Variants in EYS observed in about 807,000 individuals in gnomAD.
The protein encoded by EYS is protein eyes shut homolog.
Under a neutral mutation model 282.1 loss-of-function variants are expected in EYS, and 250 were observed. The observed-to-expected ratio is 0.89, with a 90% CI of 0.80 to 0.98. EYS has a LOEUF of 0.98. Ranked by LOEUF, EYS falls within the 50% of genes least tolerant of loss-of-function variation. The probability of loss-of-function intolerance (pLI) is 0.00; values close to 1 mark genes in which losing one functional copy is unlikely to be tolerated. For missense variants in EYS, 4,016 were observed against 3,709.0 expected (o/e 1.08, Z -2.15); for synonymous variants, 1,355 against 1,282.9 (o/e 1.06, Z -1.20).
intron 31 of EYS, among the ~76,000 whole-genome samples, chr6:64,165,868 A>G (rs1582370508): frequency 6.6e-6 from 1 of 152,326 alleles, no homozygotes; most frequent in East Asian, 1.9e-4. Context: ...CAATGTTTAT[A>G]TAAGGCATTT....
At chr6:64,437,243 T>C (rs1054689497) in intron 27 of EYS, among the ~76,000 whole-genome samples, 1 of 151,688 alleles carries the variant, frequency 6.6e-6, no homozygotes, top group Non-Finnish European at 1.5e-5. Flanking sequence ...TGAAATAATG[T>C]ATTATTAAGA....
intron 36 of EYS, among the ~76,000 whole-genome samples, chr6:63,830,087 G>A (rs1562047430): frequency 6.6e-6 from 1 of 152,138 alleles, no homozygotes; most frequent in African/African-American, 2.4e-5. Context: ...AAGACCAAAG[G>A]TAGATAAAAC....
intron 12 of EYS, among the ~76,000 whole-genome samples, chr6:65,253,817 C>T (rs1175975521): frequency 6.6e-6 from 1 of 151,640 alleles, no homozygotes; most frequent in Non-Finnish European, 1.5e-5. Flanking sequence ...TAAATGGAAA[C>T]TTTTTTCTTT....
intron 5 of EYS, among the ~76,000 whole-genome samples, chr6:65,461,421 C>T (rs773731621): frequency 3.9e-5 from 6 of 152,102 alleles, no homozygotes; most frequent in Non-Finnish European, 7.4e-5. Context: ...TTCTCTAACT[C>T]ATCGACTTCC....
chr6:65,508,560 G>A (rs958089214), intron 2 of EYS, among the ~76,000 whole-genome samples: 1 of 150,972 alleles, frequency 6.6e-6, no homozygotes, highest in South Asian at 2.1e-4. Flanking sequence ...TGTAGTCCCA[G>A]CTAGTCAGGA....
chr6:64,501,893 ATT>A lies in EYS; in HGVS notation c.5645-62543_5645-62542del, dbSNP rs140261524. Reference sequence around the variant, plus strand: ...TATGACCATGTATGACCATGAGGACATTAGCACCAGACTGTCAGGGTGCCAGA... The same window carrying A: ...TATGACCATGTATGACCATGAGGACAAGCACCAGACTGTCAGGGTGCCAGA... On this transcript the variant is annotated intron_variant, in intron 26 of 42. Transcript: ENST00000503581. 8.1e-3 allele frequency among the ~76,000 whole-genome samples: 1,227 copies of A among 152,280 alleles called. 8 individuals carry two copies. Among genetic ancestry groups the A allele is most frequent in the Non-Finnish European group, 0.012 (850 of 68,016 alleles).
At chr6:65,088,307 AG>A in intron 12 of EYS, among the ~76,000 whole-genome samples, 1 of 152,300 alleles carries the variant, frequency 6.6e-6, no homozygotes, top group African/African-American at 2.4e-5. Flanking sequence ...GGTCAAAAGA[AG>A]ACAGGAAGAT....
chr6:64,930,272 C>T (rs1434648383), intron 15 of EYS, among the ~76,000 whole-genome samples: 1 of 151,908 alleles, frequency 6.6e-6, no homozygotes, highest in East Asian at 1.9e-4. Flanking sequence ...TACAGTGTAG[C>T]TATACCATAA....
intron 2 of EYS, among the ~76,000 whole-genome samples, chr6:65,541,560 T>C (rs1424141806): frequency 2.0e-5 from 3 of 152,172 alleles, no homozygotes; most frequent in Non-Finnish European, 4.4e-5. Flanking sequence ...TTCAACTTAA[T>C]TGCTAATTTA....
At chr6:64,286,053 T>G (rs1403691337) in intron 30 of EYS, among the ~76,000 whole-genome samples, 2 of 152,156 alleles carry the variant, frequency 1.3e-5, no homozygotes, top group Non-Finnish European at 2.9e-5. Context: ...TAGCAAGAAA[T>G]AAAGTATTTA....
At chr6:63,882,222 G>A (rs1773150375) in intron 35 of EYS, among the ~76,000 whole-genome samples, 1 of 152,198 alleles carries the variant, frequency 6.6e-6, no homozygotes, top group Non-Finnish European at 1.5e-5. Context: ...TTCAAGCTAT[G>A]AAGAGCATAA....
At chr6:64,256,034 T>G (rs1562274678) in intron 30 of EYS, among the ~76,000 whole-genome samples, 1 of 152,058 alleles carries the variant, frequency 6.6e-6, no homozygotes, top group Non-Finnish European at 1.5e-5. Flanking sequence ...CTTTTAATTC[T>G]TATATAAAAA....
chr6:64,387,343 T>C (rs552757686), intron 29 of EYS, among the ~76,000 whole-genome samples: 2 of 152,280 alleles, frequency 1.3e-5, no homozygotes, highest in East Asian at 1.9e-4. Flanking sequence ...TTTATATTTA[T>C]AATAAAGTAA....
At chr6:65,317,521 G>A (rs1296981946) in intron 11 of EYS, among the ~76,000 whole-genome samples, 1 of 152,116 alleles carries the variant, frequency 6.6e-6, no homozygotes, top group Non-Finnish European at 1.5e-5. Flanking sequence ...ATCTATTGCT[G>A]TGAAACAAAT....
At chr6:64,152,210 G>A (rs943032671) in intron 31 of EYS, among the ~76,000 whole-genome samples, 5 of 152,172 alleles carry the variant, frequency 3.3e-5, no homozygotes, top group Non-Finnish European at 7.4e-5. Context: ...GGACTGGAAA[G>A]AAGACAGGAA....
At chr6:65,011,389 A>G (rs902791180) in intron 13 of EYS, among the ~76,000 whole-genome samples, 2 of 152,198 alleles carry the variant, frequency 1.3e-5, no homozygotes, top group African/African-American at 2.4e-5. Flanking sequence ...TGTCTCTTCC[A>G]GAATAGAAGC....
At chr6:65,195,466 A>T (rs919514398) in intron 12 of EYS, among the ~76,000 whole-genome samples, 1 of 152,078 alleles carries the variant, frequency 6.6e-6, no homozygotes, top group Admixed American at 6.6e-5. Flanking sequence ...AAGTTAACAT[A>T]CAATTTCATT....
intron 31 of EYS, among the ~76,000 whole-genome samples, chr6:64,122,103 T>C (rs1773610168): frequency 6.6e-6 from 1 of 152,170 alleles, no homozygotes; most frequent in Non-Finnish European, 1.5e-5. Flanking sequence ...TTCCAAATGC[T>C]GCAAACATGC....
At chr6:64,988,357 ATATCATGTCAAACAAATGC>A (rs553980737) in intron 14 of EYS, among the ~76,000 whole-genome samples, 443 of 151,694 alleles carry the variant, frequency 2.9e-3, no homozygotes, top group Non-Finnish European at 4.9e-3. Context: ...GCATCCGATG[ATATCATGTCAAACAAATGC>A]TATCATGTCA....
Sources: allele counts gnomAD v4.1 joint callset (sites outside exome capture counted in the v4.1 genomes callset), GRCh38; gene constraint gnomAD v4.1.1; transcripts MANE v1.5; gene names NCBI Gene and HGNC (gene_info 2026-07-23, HGNC 2026-07-21).